Variants in IGSF8 observed in about 807,000 individuals in gnomAD.
The protein encoded by IGSF8 is CD81 partner 3.
In IGSF8, 46 loss-of-function variants were observed where a neutral mutation model predicts 55.5. That is an observed-to-expected ratio of 0.83 (90% CI 0.65 to 1.06). The LOEUF (loss-of-function observed/expected upper bound fraction) is 1.06. IGSF8 is among the 50% of genes least tolerant of loss of function. The pLI, the probability that IGSF8 is intolerant of heterozygous loss-of-function variation, is 0.00. For missense variants in IGSF8, 731 were observed against 832.3 expected (o/e 0.88, Z 1.50); for synonymous variants, 314 against 356.1 (o/e 0.88, Z 1.33).
chr1:160,097,728 T>C (rs1295411328), intron 1 of IGSF8: 1 of 985,246 alleles, frequency 1.0e-6, no homozygotes, highest in Non-Finnish European at 1.2e-6. Flanking sequence ...AGGCACAAGG[T>C]GCTTGGAGAT....
intron 1 of IGSF8, chr1:160,097,612 T>C: frequency 1.1e-6 from 1 of 891,720 alleles, no homozygotes; most frequent in Non-Finnish European, 1.3e-6. Context: ...GACCACCTCC[T>C]ACAGGGAGCC....
Position 160,092,407 on chromosome 1 carries a change from A to C in IGSF8, c.1601T>G (p.Leu534Trp), listed in dbSNP as rs781360502. Residue 534 changes from leucine (L) to tryptophan (W), a missense_variant, in exon 5 of 7, where the codon TTG (leucine) becomes TGG (tryptophan). Transcript: ENST00000314485. Reference sequence around the variant, plus strand: ...GTACACGCCTTCATCCTCGGGCCCCAAGCTGTGTAGTCTCAGCCGATGGCT... The same window carrying C: ...GTACACGCCTTCATCCTCGGGCCCCCAGCTGTGTAGTCTCAGCCGATGGCT... Reference protein sequence around the residue: ...PRSHRLRLHSLGPEDEGVYHC... With the variant: ...PRSHRLRLHSWGPEDEGVYHC... 4 of 1,609,948 alleles carry C rather than the reference A, an allele frequency of 2.5e-6. No individual in the cohort carries two copies. The highest frequency in any genetic ancestry group is 2.5e-6 in the Non-Finnish European group (3 of 1,176,738).
At chr1:160,095,314 C>T (rs371706753) in intron 1 of IGSF8, 68 bp from the exon 2 acceptor site, 92 of 1,467,246 alleles carry the variant, frequency 6.3e-5, no homozygotes, top group Non-Finnish European at 8.0e-5. Context: ...CCGCCACAAG[C>T]ACCATTCTTG....
chr1:160,093,465 C>T (rs1486128205), intron 3 of IGSF8, 134 bp from the exon 4 acceptor site: 6 of 890,682 alleles, frequency 6.7e-6, no homozygotes, highest in East Asian at 2.7e-5. Context: ...TAGGTATGAC[C>T]ATCTTTCTAT....
chr1:160,093,626 T>C lies in IGSF8; in HGVS notation c.904+84A>G, dbSNP rs374101496. 3.7e-5 allele frequency: 41 copies of C among 1,109,900 alleles called. 1 individual carries two copies. In the African/African-American group the frequency reaches 5.3e-4, roughly 14 times the overall value. 68.8% of individuals were successfully genotyped at this position (1,109,900 alleles called of 1,614,324 possible). A position where few individuals can be genotyped will look rare whatever the true frequency, so the allele number is the denominator to read the frequency against. ...GAGTTCCTTGGAGTCAGATGATGGC[T>C]ATCTGGTACCCCCTGTGGCCACAGT... On this transcript the variant is annotated intron_variant, in intron 3 of 6. Transcript: ENST00000314485.
In IGSF8 at chr1:160,094,581, C is replaced by A. The variant is rs776263907; in HGVS notation, c.442+288G>T. Among the ~76,000 whole-genome samples the A allele has an allele frequency of 6.6e-6, 1 of 152,114 alleles. No individual in the cohort carries two copies. Among genetic ancestry groups the A allele is most frequent in the Non-Finnish European group, 1.5e-5 (1 of 68,032 alleles). ...AGTAGAGGCTATTCAACCCAACAGT[C>A]TTCTTCGTTCTTGGGAATGGAAAGT... On this transcript the variant is annotated intron_variant, in intron 2 of 6. Transcript: ENST00000314485. The surrounding 1 kb of genome is among the most constrained non-coding windows in gnomAD (Gnocchi z 4.0).
Position 160,094,985 on chromosome 1 carries a change from G to A in IGSF8, c.326C>T (p.Ala109Val). Residue 109 changes from alanine to valine, a missense_variant, in exon 2 of 7, where the codon GCC (alanine) becomes GTC (valine). Physicochemically the swap from Ala to Val is moderately conservative, Grantham distance 64 (BLOSUM62 0). Coordinates refer to ENST00000314485, the MANE Select transcript of IGSF8 (RefSeq NM_052868.6). This position sits in a 1 kb window ranked among gnomAD's most constrained non-coding sequence, Gnocchi z 4.0. ...EVQVQRLQGD[A>V]VVLKIARLQA... Reference sequence around the variant, plus strand: ...CAGGCGGGCAATCTTGAGCACCACGGCATCACCTTGTAGGCGCTGCACCTG... The same window carrying A: ...CAGGCGGGCAATCTTGAGCACCACGACATCACCTTGTAGGCGCTGCACCTG... 6.2e-7 allele frequency: 1 copy of A among 1,614,050 alleles called. No homozygotes were observed. Among genetic ancestry groups the A allele is most frequent in the South Asian group, 1.1e-5 (1 of 91,072 alleles).
In IGSF8 at chr1:160,093,766, C is replaced by T. The variant is rs1650196897; in HGVS notation, c.848G>A (p.Trp283Ter). 4.3e-6 allele frequency: 7 copies of T among 1,613,878 alleles called. No individual in the cohort carries two copies. Among genetic ancestry groups the T allele is most frequent in the Non-Finnish European group, 5.9e-6 (7 of 1,179,874 alleles). ...GGCCCTTTTCTCTGCAATCTGGGCC[C>T]AGCTGCCATCAGGATCCTGAATCCA... is the stretch of plus-strand genomic sequence containing the variant. ...AEWIQDPDGS[W>*]AQIAEKRAVL... Residue 283 changes from tryptophan to a stop codon, truncating the protein, a stop_gained, in exon 3 of 7, where the codon TGG (tryptophan) becomes TAG (stop). Transcript: ENST00000314485. LOFTEE classifies it high-confidence loss of function.
chr1:160,099,203 T>C (rs954799807), upstream of IGSF8, among the ~76,000 whole-genome samples: 2 of 151,916 alleles, frequency 1.3e-5, no homozygotes, highest in Non-Finnish European at 2.9e-5. Flanking sequence ...ACAGAGCGCA[T>C]TCCACCCCGC....
At position 160,098,016 on chromosome 1, in the gene IGSF8, G is replaced by A. The variant is rs571397226; in HGVS notation, c.64+393C>T. On this transcript the variant is annotated intron_variant, in intron 1 of 6. Coordinates refer to ENST00000314485, the MANE Select transcript of IGSF8 (RefSeq NM_052868.6). ...CCAACTCTGGGGCAATTATGAAGCT[G>A]GGCAGGCACTGCCCTCGTAGGGCGG... 8 of 982,464 alleles carry A rather than the reference G, an allele frequency of 8.1e-6. No homozygotes were observed. The South Asian group carries it at 3.8e-4, about 46-fold the overall frequency. 60.9% of individuals were successfully genotyped at this position (982,464 alleles called of 1,614,324 possible).
At position 160,091,448 on chromosome 1, in the gene IGSF8, G is replaced by A. The variant is rs1026381249; in HGVS notation, c.*176C>T. On this transcript the variant is annotated 3_prime_UTR_variant, in exon 7 of 7. Transcript: ENST00000314485. ...GATCAAGAACAGAAGGCCAGAGGGA[G>A]GGGCTTGGGAGGGAAGGAGTGGGGA... is the stretch of plus-strand genomic sequence containing the variant. The A allele has an allele frequency of 4.2e-6, 1 of 235,384 alleles. No individual in the cohort carries two copies. 14.6% of individuals were successfully genotyped at this position (235,384 alleles called of 1,614,324 possible).
chr1:160,093,214 T>G lies in IGSF8; in HGVS notation c.1022A>C (p.Tyr341Ser). 1.2e-6 allele frequency: 2 copies of G among 1,613,928 alleles called. No individual in the cohort carries two copies. The highest frequency in any genetic ancestry group is 1.7e-6 in the Non-Finnish European group (2 of 1,179,936). ...ALPPAGRHAA[Y>S]SVGWEMAPAG... is the part of the protein sequence containing the mutation. ...AGGTGCCATCTCCCAACCTACAGAG[T>G]ATGCAGCATGACGGCCTGCTGGGGG... is the stretch of plus-strand genomic sequence containing the variant. Residue 341 changes from tyrosine to serine, a missense_variant, in exon 4 of 7, where the codon TAC becomes TCC. By Grantham distance (144) the Tyr-to-Ser change is moderately radical. Coordinates refer to ENST00000314485, the MANE Select transcript of IGSF8 (RefSeq NM_052868.6).
In IGSF8 at chr1:160,095,226, C is replaced by G. The variant is rs1296471014; in HGVS notation, c.85G>C (p.Glu29Gln). The G allele has an allele frequency of 3.1e-6, 5 of 1,603,252 alleles. No homozygotes were observed. In the African/African-American group the frequency reaches 4.0e-5, roughly 13 times the overall value. Residue 29 changes from glutamate (E) to glutamine (Q), a missense_variant, in exon 2 of 7, where the codon GAG (glutamate) becomes CAG (glutamine). Coordinates refer to ENST00000314485, the MANE Select transcript of IGSF8 (RefSeq NM_052868.6). ...AAGGGCCCCTCGGGGACCAGCACCT[C>G]CCGGGCCCAGCATCCCATTCCTGTA... ...LMLGMGCWAREVLVPEGPLYR... is the reference protein window; with the variant it reads ...LMLGMGCWARQVLVPEGPLYR...
chr1:160,098,398 G>A lies in IGSF8; in HGVS notation c.64+11C>T, dbSNP rs780855777. ...GGCAGGGCCGGGAACCGGAACGGGGGCCTGGCTTACCTAGCATTAGCAGCA... is the reference window on the plus strand; with the variant it reads ...GGCAGGGCCGGGAACCGGAACGGGGACCTGGCTTACCTAGCATTAGCAGCA... On this transcript the variant is annotated intron_variant, in intron 1 of 6. Coordinates refer to ENST00000314485, the MANE Select transcript of IGSF8 (RefSeq NM_052868.6). The A allele has an allele frequency of 3.9e-6, 6 of 1,552,132 alleles. No individual in the cohort carries two copies. The highest frequency in any genetic ancestry group is 5.2e-6 in the Non-Finnish European group (6 of 1,147,170).
At chr1:160,098,147 C>A (rs1268667754) in intron 1 of IGSF8, among the ~76,000 whole-genome samples, 1 of 152,248 alleles carries the variant, frequency 6.6e-6, no homozygotes, top group East Asian at 1.9e-4. Flanking sequence ...TGTGGCCTGC[C>A]CCGGGAGGCC....
chr1:160,093,184 C>A lies in IGSF8; in HGVS notation c.1052G>T (p.Gly351Val). 2 of 1,613,644 alleles carry A rather than the reference C, an allele frequency of 1.2e-6. No homozygotes were observed. The highest frequency in any genetic ancestry group is 8.5e-7 in the Non-Finnish European group (1 of 1,179,796). The change falls in exon 4 of 7, where the codon GGG becomes GTG. Residue 351 changes from glycine to valine, a missense_variant. Physicochemically the swap from Gly to Val is moderately radical, Grantham distance 109 (BLOSUM62 -3). Transcript: ENST00000314485. ...YSVGWEMAPA[G>V]APGPGRLVAQ... ...TACCAGGCGGCCGGGCCCAGGTGCC[C>A]CCGCAGGTGCCATCTCCCAACCTAC... is the stretch of plus-strand genomic sequence containing the variant.
In IGSF8 at chr1:160,092,464, C is replaced by A. The variant is rs1478628889; in HGVS notation, c.1544G>T (p.Gly515Val). 1.9e-6 allele frequency: 3 copies of A among 1,613,010 alleles called. No individual in the cohort carries two copies. The highest frequency in any genetic ancestry group is 1.3e-5 in the African/African-American group (1 of 74,936). Residue 515 changes from glycine to valine, a missense_variant, in exon 5 of 7, where the codon GGC becomes GTC. Coordinates refer to ENST00000314485, the MANE Select transcript of IGSF8 (RefSeq NM_052868.6). ...VAELGVRPGG[G>V]PVSVELVGPR... ...CCCCACCAGCTCTACGCTGACAGGG[C>A]CTCCTCCAGGCCGGACTCCCAGCTC...
In IGSF8 at chr1:160,094,693, T is replaced by A. The variant is rs979369899; in HGVS notation, c.442+176A>T. Among the ~76,000 whole-genome samples, 6 of 151,904 alleles carry A rather than the reference T, an allele frequency of 3.9e-5. No homozygotes were observed. The highest frequency in any genetic ancestry group is 7.4e-5 in the Non-Finnish European group (5 of 68,000). On this transcript the variant is annotated intron_variant, in intron 2 of 6. Transcript: ENST00000314485. The surrounding 1 kb of genome is among the most constrained non-coding windows in gnomAD (Gnocchi z 4.0). ...ACTGGCCTGGGTGAGGAACTCTGGG[T>A]TTGAGTCCCACATCAGCCACTGAGT... is the stretch of plus-strand genomic sequence containing the variant.
Position 160,095,171 on chromosome 1 carries a change from A to G in IGSF8, c.140T>C (p.Ile47Thr). 1.2e-6 allele frequency: 2 copies of G among 1,612,580 alleles called. No individual in the cohort carries two copies. Among genetic ancestry groups the G allele is most frequent in the Non-Finnish European group, 1.7e-6 (2 of 1,180,024 alleles). ...CTCATAGCCGGTCACATTGCAGGAG[A>G]TGGAGACAGCTGTGCCAGCCACGCG... ...LYRVAGTAVS[I>T]SCNVTGYEGP... The change falls in exon 2 of 7, where the codon ATC becomes ACC. Residue 47 changes from isoleucine (I) to threonine (T), a missense_variant. By Grantham distance (89) the Ile-to-Thr change is moderately conservative. Transcript: ENST00000314485.
Sources: allele counts gnomAD v4.1 joint callset (sites outside exome capture counted in the v4.1 genomes callset), GRCh38; gene constraint gnomAD v4.1.1; non-coding constraint Gnocchi (gnomAD v3.1); transcripts MANE v1.5; gene names NCBI Gene and HGNC (gene_info 2026-07-23, HGNC 2026-07-21).